C5: variants seen among roughly 807,000 people sequenced by gnomAD.
C5 encodes the protein complement C5.
C5 carries 140 observed loss-of-function variants against 218.8 expected under a neutral mutation model. The observed-to-expected ratio is 0.64, with a 90% CI of 0.56 to 0.74. C5 has a LOEUF of 0.74. Among genes scored for constraint, C5 ranks in the 30% least tolerant of loss-of-function variants. The pLI, the probability that C5 is intolerant of heterozygous loss-of-function variation, is 0.00. For missense variants in C5, 1,700 were observed against 1,969.6 expected (o/e 0.86, Z 2.59); for synonymous variants, 614 against 682.3 (o/e 0.90, Z 1.56).
At chr9:121,040,425 A>C (rs1477233943) in intron 3 of C5, among the ~76,000 whole-genome samples, 1 of 152,248 alleles carries the variant, frequency 6.6e-6, no homozygotes, top group Admixed American at 6.5e-5. Flanking sequence ...TCATTTATCC[A>C]GTAAAGCCTT....
At chr9:121,041,004 A>G (rs898648012) in intron 3 of C5, among the ~76,000 whole-genome samples, 1 of 141,140 alleles carries the variant, frequency 7.1e-6, no homozygotes, top group Non-Finnish European at 1.5e-5. Context: ...GCTGGAGTGC[A>G]GTGGCGCGAT....
chr9:120,952,779 A>C lies in C5; in HGVS notation c.4991T>G (p.Leu1664Ter). Residue 1664 changes from leucine (L) to a stop codon, truncating the protein, a stop_gained, in exon 41 of 41, where the codon TTA (leucine) becomes TGA (stop). Transcript: ENST00000223642. LOFTEE classifies it high-confidence loss of function. ...CSSCQAFLAN[L>*]DEFAEDIFLN... ...AAAGATATCTTCGGCAAATTCATCT[A>C]AATTAGCTAAAAATGCTTGACACGA... 2 of 1,613,852 alleles carry C rather than the reference A, an allele frequency of 1.2e-6. No homozygotes were observed. Among genetic ancestry groups the C allele is most frequent in the Non-Finnish European group, 1.7e-6 (2 of 1,179,852 alleles).
chr9:121,022,262 T>A (rs1403700088), intron 10 of C5, among the ~76,000 whole-genome samples: 57 of 151,564 alleles, frequency 3.8e-4, no homozygotes, highest in Admixed American at 3.8e-3. Flanking sequence ...CAAAAATAGA[T>A]ACACCTTTTT....
intron 4 of C5, among the ~76,000 whole-genome samples, chr9:121,035,706 A>C (rs563385640): frequency 6.8e-4 from 103 of 150,666 alleles, no homozygotes; most frequent in African/African-American, 2.2e-3. Flanking sequence ...AGTAGCCAGG[A>C]CCACAGGCAC....
chr9:120,989,908 C>T (rs1171049725), intron 23 of C5, 128 bp from the exon 24 acceptor site: 2 of 679,798 alleles, frequency 2.9e-6, no homozygotes, highest in African/African-American at 1.8e-5. Flanking sequence ...ACTTGCTTCT[C>T]AGAAACGGGG....
At chr9:121,012,755 G>A (rs2047272347) in intron 17 of C5, among the ~76,000 whole-genome samples, 1 of 152,142 alleles carries the variant, frequency 6.6e-6, no homozygotes, top group Non-Finnish European at 1.5e-5. Context: ...ACTTACTACA[G>A]ATCTAGACTA....
In C5 at chr9:120,981,840, T is replaced by A; in HGVS notation, c.3486+4A>T. ...GGTGTGAGAGAAAGAAAACTCTTAC[T>A]TACCACCAGGGGGCATATATCGAAA... is the stretch of plus-strand genomic sequence containing the variant. On this transcript the variant is annotated splice_donor_region_variant and intron_variant, in intron 27 of 40. Coordinates refer to ENST00000223642, the MANE Select transcript of C5 (RefSeq NM_001735.3). 6.2e-7 allele frequency: 1 copy of A among 1,601,624 alleles called. No homozygotes were observed. The highest frequency in any genetic ancestry group is 8.6e-7 in the Non-Finnish European group (1 of 1,168,664).
At chr9:121,058,957 C>T in the C5 span, among the ~76,000 whole-genome samples, 8 of 152,176 alleles carry the variant, frequency 5.3e-5, no homozygotes, top group African/African-American at 1.9e-4. Context: ...AAATGACCAC[C>T]AGGCAGATGG....
chr9:121,024,437 T>C (rs1023511219), intron 9 of C5, among the ~76,000 whole-genome samples: 1 of 151,310 alleles, frequency 6.6e-6, no homozygotes, highest in Non-Finnish European at 1.5e-5. Context: ...AGGTAAAGAT[T>C]AAGTTAAACT....
chr9:121,021,464 G>A lies in C5; in HGVS notation c.1302+45C>T, dbSNP rs774034340. On this transcript the variant is annotated intron_variant, in intron 11 of 40. Coordinates refer to ENST00000223642, the MANE Select transcript of C5 (RefSeq NM_001735.3). ...CACACTAGCCAAAACACATGGTCAA[G>A]AGTACACATTGTCCTAGAAAATACA... 10 of 1,475,334 alleles carry A rather than the reference G, an allele frequency of 6.8e-6. No homozygotes were observed. In the South Asian group the frequency reaches 9.1e-5, roughly 13 times the overall value. The allele number at this position is 1,475,334 out of a possible 1,614,324, so 91.4% of individuals were successfully genotyped here.
intron 2 of C5, among the ~76,000 whole-genome samples, chr9:121,043,896 C>T (rs923104344): frequency 2.0e-5 from 3 of 151,880 alleles, no homozygotes; most frequent in African/African-American, 4.8e-5. Flanking sequence ...TTCTGCTCCC[C>T]TGAGTTGAGA....
intron 32 of C5, among the ~76,000 whole-genome samples, chr9:120,969,767 G>A (rs1039842622): frequency 6.6e-6 from 1 of 152,198 alleles, no homozygotes; most frequent in African/African-American, 2.4e-5. Flanking sequence ...AATACAGAAA[G>A]GCTAAGGGAT....
intron 1 of C5, among the ~76,000 whole-genome samples, chr9:121,048,763 G>GGTTACC (rs10699795): frequency 2.0e-5 from 3 of 152,062 alleles, no homozygotes; most frequent in Non-Finnish European, 4.4e-5. Context: ...CAGAGGAGCA[G>GGTTACC]GAGCTTGCAG....
At chr9:120,971,781 T>C (rs989911293) in intron 31 of C5, 149 bp downstream of exon 31, 6 of 662,526 alleles carry the variant, frequency 9.1e-6, no homozygotes, top group Non-Finnish European at 1.6e-5. Flanking sequence ...TTACAAAGAT[T>C]GCTAGAAAGA....
At chr9:120,970,291 G>A in intron 31 of C5, 40 bp from the exon 32 acceptor site, 1 of 1,373,684 alleles carries the variant, frequency 7.3e-7, no homozygotes, top group Non-Finnish European at 1.0e-6. Context: ...TCTATTTAAA[G>A]TGGGAAAGTG....
At chr9:120,977,038 G>C in intron 28 of C5, 133 bp from the exon 29 acceptor site, 1 of 743,568 alleles carries the variant, frequency 1.3e-6, no homozygotes, top group South Asian at 1.5e-5. Flanking sequence ...ACTTCCTGAA[G>C]ATGACCAATG....
At position 121,023,473 on chromosome 9, in the gene C5, G is replaced by T. The variant is rs202052046; in HGVS notation, c.1047C>A (p.Leu349=). 6.2e-7 allele frequency: 1 copy of T among 1,613,866 alleles called. No individual in the cohort carries two copies. Among genetic ancestry groups the T allele is most frequent in the Non-Finnish European group, 8.5e-7 (1 of 1,179,848 alleles). The part of the protein sequence containing the change: ...EAEIPGIKYV[L]SPYKLNLVAT... The stretch of plus-strand genomic sequence containing the variant: ...CAACCAAATTCAGTTTGTAGGGAGA[G>T]AGGACATATTTGATGCCAGGTATTT... Residue 349 remains leucine, a synonymous_variant, in exon 10 of 41, where the codon CTC becomes CTA. Coordinates refer to ENST00000223642, the MANE Select transcript of C5 (RefSeq NM_001735.3).
the C5 span, among the ~76,000 whole-genome samples, chr9:121,062,000 T>C: frequency 6.6e-6 from 1 of 152,256 alleles, no homozygotes; most frequent in Non-Finnish European, 1.5e-5. Context: ...AGTTCCCTAA[T>C]ACAAGGAAAT....
chr9:120,984,040 G>A (rs569680910), intron 25 of C5, among the ~76,000 whole-genome samples: 1 of 152,148 alleles, frequency 6.6e-6, no homozygotes, highest in South Asian at 2.1e-4. Flanking sequence ...ATGCCTTAGA[G>A]ATCTATATTA....
Sources: allele counts gnomAD v4.1 joint callset (sites outside exome capture counted in the v4.1 genomes callset), GRCh38; gene constraint gnomAD v4.1.1; transcripts MANE v1.5; gene names NCBI Gene and HGNC (gene_info 2026-07-23, HGNC 2026-07-21).